The following SEC22C variants were observed in gnomAD, a reference collection of about 807,000 sequenced individuals.
The protein encoded by SEC22C is vesicle-trafficking protein SEC22c.
SEC22C carries 29 observed loss-of-function variants against 34.7 expected under a neutral mutation model. The ratio of observed to expected loss-of-function variants is 0.84; its 90% CI spans 0.62 to 1.14. The LOEUF (loss-of-function observed/expected upper bound fraction) is 1.14. Ranked by LOEUF, SEC22C falls within the 50% of genes most tolerant of loss-of-function variation. The probability of loss-of-function intolerance (pLI) is 0.00; values close to 1 mark genes in which losing one functional copy is unlikely to be tolerated. For missense variants in SEC22C, 337 were observed against 369.0 expected (o/e 0.91, Z 0.71); for synonymous variants, 117 against 132.8 (o/e 0.88, Z 0.82).
chr3:42,580,937 T>C (rs1262147687), intron 1 of SEC22C, among the ~76,000 whole-genome samples: 2 of 152,260 alleles, frequency 1.3e-5, no homozygotes, highest in Non-Finnish European at 2.9e-5. Context: ...TTGTCCTCTC[T>C]ATGATCATGT....
chr3:42,578,390 T>C (rs1299931998), intron 1 of SEC22C, among the ~76,000 whole-genome samples: 1 of 152,216 alleles, frequency 6.6e-6, no homozygotes, highest in Non-Finnish European at 1.5e-5. Context: ...GGAGGGCTGA[T>C]AAACAGTTGT....
chr3:42,556,530 C>T (rs1702538228), intron 5 of SEC22C, among the ~76,000 whole-genome samples: 1 of 152,188 alleles, frequency 6.6e-6, no homozygotes, highest in Non-Finnish European at 1.5e-5. Flanking sequence ...TGGTAACAGG[C>T]AGTTACCACT....
At chr3:42,556,996 T>A (rs1205731604) in intron 5 of SEC22C, among the ~76,000 whole-genome samples, 1 of 152,234 alleles carries the variant, frequency 6.6e-6, no homozygotes, top group Non-Finnish European at 1.5e-5. Context: ...AGTGCTGGAA[T>A]TACAGGAGTG....
chr3:42,549,700 C>A lies in SEC22C; in HGVS notation c.*3548G>T. On this transcript the variant is annotated 3_prime_UTR_variant, in exon 7 of 7. Coordinates refer to ENST00000264454, the MANE Select transcript of SEC22C (RefSeq NM_032970.4). ...TGGTTTTCTCATCCCTCCAGAGACT[C>A]CAGTTTCAGACTCTGTCTCCAGAGC... 4 of 985,510 alleles carry A rather than the reference C, an allele frequency of 4.1e-6. No homozygotes were observed. The highest frequency in any genetic ancestry group is 4.8e-6 in the Non-Finnish European group (4 of 829,988). 61.0% of individuals were successfully genotyped at this position (985,510 alleles called of 1,614,324 possible).
At chr3:42,576,865 C>T (rs575969932) in intron 1 of SEC22C, among the ~76,000 whole-genome samples, 1 of 152,024 alleles carries the variant, frequency 6.6e-6, no homozygotes, top group Non-Finnish European at 1.5e-5. Flanking sequence ...ACCATGCTAT[C>T]CTACTTCAAG....
Position 42,548,615 on chromosome 3 carries a change from C to T in SEC22C, c.*4633G>A, listed in dbSNP as rs752196461. ...CCTCATTTGGGTCAGGGGTGGCTGGCTCACGAGGTTTGGTCCAACCAGCAG... is the reference window on the plus strand; with the variant it reads ...CCTCATTTGGGTCAGGGGTGGCTGGTTCACGAGGTTTGGTCCAACCAGCAG... On this transcript the variant is annotated 3_prime_UTR_variant, in exon 7 of 7. Transcript: ENST00000264454. 6.2e-7 allele frequency: 1 copy of T among 1,613,734 alleles called. No individual in the cohort carries two copies. Among genetic ancestry groups the T allele is most frequent in the Non-Finnish European group, 8.5e-7 (1 of 1,180,020 alleles).
At position 42,550,847 on chromosome 3, in the gene SEC22C, T is replaced by G; in HGVS notation, c.*2401A>C. ...CCACATAGGAAAAGAAAACAGTCCA[T>G]TTTTAAGCCGTTCTTACCGACTTTT... On this transcript the variant is annotated 3_prime_UTR_variant, in exon 7 of 7. Transcript: ENST00000264454. 1 of 984,018 alleles carries G rather than the reference T, an allele frequency of 1.0e-6. No homozygotes were observed. Among genetic ancestry groups the G allele is most frequent in the Non-Finnish European group, 1.2e-6 (1 of 829,788 alleles). The allele number at this position is 984,018 out of a possible 1,614,324, so 61.0% of individuals were successfully genotyped here. A position where few individuals can be genotyped will look rare whatever the true frequency, so the allele number is the denominator to read the frequency against.
chr3:42,577,769 A>C (rs36043081), intron 1 of SEC22C, among the ~76,000 whole-genome samples: 20,903 of 152,110 alleles, frequency 0.14, 1,830 homozygotes, highest in African/African-American at 0.24. Context: ...TAAGGGTTCG[A>C]GACCAGCCTG....
chr3:42,551,608 G>C lies in SEC22C; in HGVS notation c.*1640C>G. The C allele has an allele frequency of 8.3e-6, 7 of 846,068 alleles. No homozygotes were observed. The highest frequency in any genetic ancestry group is 1.0e-5 in the Non-Finnish European group (7 of 702,878). The allele number at this position is 846,068 out of a possible 1,614,324, so 52.4% of individuals were successfully genotyped here. Reference sequence around the variant, plus strand: ...CTGCTTTGGCCTTCCAAAGTGCTGGGAATACAGGCATGAGCCATCATGCCT... The same window carrying C: ...CTGCTTTGGCCTTCCAAAGTGCTGGCAATACAGGCATGAGCCATCATGCCT... On this transcript the variant is annotated 3_prime_UTR_variant, in exon 7 of 7. Transcript: ENST00000264454.
chr3:42,566,134 A>T (rs990965397), intron 2 of SEC22C, among the ~76,000 whole-genome samples: 11 of 152,210 alleles, frequency 7.2e-5, no homozygotes, highest in Admixed American at 6.5e-4. Flanking sequence ...CAGCATGTTC[A>T]GCATGTCCAG....
At position 42,550,790 on chromosome 3, in the gene SEC22C, C is replaced by T; in HGVS notation, c.*2458G>A. 1.0e-6 allele frequency: 1 copy of T among 984,958 alleles called. No homozygotes were observed. Among genetic ancestry groups the T allele is most frequent in the Non-Finnish European group, 1.2e-6 (1 of 829,878 alleles). The allele number at this position is 984,958 out of a possible 1,614,324, so 61.0% of individuals were successfully genotyped here. A position where few individuals can be genotyped will look rare whatever the true frequency, so the allele number is the denominator to read the frequency against. On this transcript the variant is annotated 3_prime_UTR_variant, in exon 7 of 7. Transcript: ENST00000264454. ...ATCATAGGCTCAGATGCCCAAAGCACCTGGGGTACAGGTCTACATGGCAAC... is the reference window on the plus strand; with the variant it reads ...ATCATAGGCTCAGATGCCCAAAGCATCTGGGGTACAGGTCTACATGGCAAC...
At chr3:42,572,098 G>A (rs1703668613) in intron 1 of SEC22C, among the ~76,000 whole-genome samples, 1 of 152,006 alleles carries the variant, frequency 6.6e-6, no homozygotes, top group Non-Finnish European at 1.5e-5. Flanking sequence ...CTTGGGGTCT[G>A]AGGAATGACA....
chr3:42,572,131 G>T (rs78303408), intron 1 of SEC22C, among the ~76,000 whole-genome samples: 4,830 of 148,662 alleles, frequency 0.032, 133 homozygotes, highest in East Asian at 0.12. Context: ...TGCTGAGTTT[G>T]TTTTTTCTTA....
intron 1 of SEC22C, chr3:42,594,514 T>G (rs1559537818): frequency 6.2e-7 from 1 of 1,610,708 alleles, no homozygotes; most frequent in Admixed American, 1.7e-5. Context: ...GAATAATCTT[T>G]CAAAAGCAAT....
intron 5 of SEC22C, 105 bp from the exon 6 acceptor site, chr3:42,556,100 C>T (rs1263593553): frequency 1.2e-6 from 1 of 823,830 alleles, no homozygotes; most frequent in Non-Finnish European, 2.0e-6. Flanking sequence ...GTTGACAGTA[C>T]AAAATCCCTG....
rs1384457436 is a variant in SEC22C at position 42,591,128 on chromosome 3, G to T, written c.-28+9832C>A. 6 of 735,526 alleles carry T rather than the reference G, an allele frequency of 8.2e-6. No individual in the cohort carries two copies. The African/African-American group carries it at 8.6e-5, about 11-fold the overall frequency. 45.6% of individuals were successfully genotyped at this position (735,526 alleles called of 1,614,324 possible). Reference sequence around the variant, plus strand: ...AGATGGGCACGAAATCAGCACAGGCGCCGGGGCAGGACCCCGGCATGGGGT... The same window carrying T: ...AGATGGGCACGAAATCAGCACAGGCTCCGGGGCAGGACCCCGGCATGGGGT... On this transcript the variant is annotated intron_variant, in intron 1 of 6. Coordinates refer to the SEC22C transcript ENST00000417572.
chr3:42,557,863 C>G (rs1462192561), intron 4 of SEC22C, among the ~76,000 whole-genome samples, 167 bp from the exon 5 acceptor site: 1 of 152,154 alleles, frequency 6.6e-6, no homozygotes, highest in Non-Finnish European at 1.5e-5. Context: ...GGAAAAAAGC[C>G]AAGAAATGAT....
Position 42,561,316 on chromosome 3 carries a change from C to T in SEC22C, c.347-20G>A, listed in dbSNP as rs1454672092. On this transcript the variant is annotated intron_variant, in intron 3 of 6. Coordinates refer to ENST00000264454, the MANE Select transcript of SEC22C (RefSeq NM_032970.4). ...TGCTGTCTGCAAAAAGAGAGCAACACAAGTTAAGCATTTTCATCAGAATGG... is the reference window on the plus strand; with the variant it reads ...TGCTGTCTGCAAAAAGAGAGCAACATAAGTTAAGCATTTTCATCAGAATGG... The T allele has an allele frequency of 7.5e-6, 12 of 1,610,360 alleles. No homozygotes were observed. The highest frequency in any genetic ancestry group is 3.3e-5 in the Admixed American group (2 of 59,952).
chr3:42,588,401 T>C (rs980264113), intron 1 of SEC22C, among the ~76,000 whole-genome samples: 2 of 152,096 alleles, frequency 1.3e-5, no homozygotes, highest in Non-Finnish European at 2.9e-5. Flanking sequence ...TAAGACTTTG[T>C]ATCAAAAAAC....
Sources: allele counts gnomAD v4.1 joint callset (sites outside exome capture counted in the v4.1 genomes callset), GRCh38; gene constraint gnomAD v4.1.1; transcripts MANE v1.5; gene names NCBI Gene and HGNC (gene_info 2026-07-23, HGNC 2026-07-21).